Variants in ATF7IP2 observed in about 807,000 individuals in gnomAD.
ATF7IP2 encodes activating transcription factor 7-interacting protein 2.
Under a neutral mutation model 64.2 loss-of-function variants are expected in ATF7IP2, and 42 were observed. The observed-to-expected ratio is 0.65, with a 90% CI of 0.51 to 0.85. ATF7IP2 has a LOEUF of 0.85. Ranked by LOEUF, ATF7IP2 falls within the 40% of genes least tolerant of loss-of-function variation. ATF7IP2 has a pLI of 0.00. For synonymous variants in ATF7IP2, 308 were observed against 272.8 expected, an observed-to-expected ratio of 1.13 and a Z score of -1.27; for missense variants, 933 against 784.2, an observed-to-expected ratio of 1.19 and a Z score of -2.27.
chr16:10,473,413 C>T (rs2049880028), intron 10 of ATF7IP2, 66 bp from the exon 11 acceptor site: 1 of 975,246 alleles, frequency 1.0e-6, no homozygotes, highest in Non-Finnish European at 1.6e-6. Flanking sequence ...TTTGTTTTAG[C>T]ATTCATATTT....
At chr16:10,397,675 GAGACC>G (rs2047446143) in intron 1 of ATF7IP2, among the ~76,000 whole-genome samples, 1 of 151,878 alleles carries the variant, frequency 6.6e-6, no homozygotes, top group Non-Finnish European at 1.5e-5. Context: ...TTAGGAGTTT[GAGACC>G]AGCCTGGGCA....
chr16:10,388,840 C>G (rs1338006896), intron 1 of ATF7IP2, among the ~76,000 whole-genome samples: 5 of 151,846 alleles, frequency 3.3e-5, no homozygotes, highest in African/African-American at 9.7e-5. Context: ...GAAACCCCGT[C>G]TCCACTAAAA....
At chr16:10,480,818 A>G (rs1358706837) in intron 12 of ATF7IP2, 61 bp from the exon 13 acceptor site, 1 of 1,102,108 alleles carries the variant, frequency 9.1e-7, no homozygotes, top group Non-Finnish European at 1.4e-6. Flanking sequence ...CTATAGCTTA[A>G]AGGCTATGGA....
intron 1 of ATF7IP2, among the ~76,000 whole-genome samples, chr16:10,404,302 G>A (rs1283231392): frequency 6.6e-6 from 1 of 152,148 alleles, no homozygotes; most frequent in African/African-American, 2.4e-5. Context: ...ACCCAGGCTG[G>A]ATTGAAGTGG....
At chr16:10,394,291 C>T (rs972547803) in intron 1 of ATF7IP2, among the ~76,000 whole-genome samples, 1 of 152,156 alleles carries the variant, frequency 6.6e-6, no homozygotes, top group African/African-American at 2.4e-5. Flanking sequence ...GCTGGAGATA[C>T]ATAGGGACAT....
chr16:10,401,344 A>AT (rs1167987980), intron 1 of ATF7IP2, among the ~76,000 whole-genome samples: 3 of 151,132 alleles, frequency 2.0e-5, no homozygotes, highest in African/African-American at 7.3e-5. Context: ...ATTTTTTTGT[A>AT]TTTTTAGTAA....
At chr16:10,426,911 G>A (rs1323967390) in intron 3 of ATF7IP2, among the ~76,000 whole-genome samples, 1 of 151,846 alleles carries the variant, frequency 6.6e-6, no homozygotes, top group East Asian at 1.9e-4. Flanking sequence ...GAAGTACAGT[G>A]GTGTGATCTC....
intron 1 of ATF7IP2, among the ~76,000 whole-genome samples, chr16:10,404,648 T>C (rs1462930014): frequency 6.6e-6 from 1 of 152,072 alleles, no homozygotes; most frequent in African/African-American, 2.4e-5. Flanking sequence ...GTTTAAGCAG[T>C]TCTCATGCCA....
chr16:10,404,079 G>A (rs2047586638), intron 1 of ATF7IP2, among the ~76,000 whole-genome samples: 1 of 152,130 alleles, frequency 6.6e-6, no homozygotes, highest in African/African-American at 2.4e-5. Context: ...GATACAGGAA[G>A]CCTAATGATT....
chr16:10,422,215 T>A (rs1404125154), intron 3 of ATF7IP2, among the ~76,000 whole-genome samples: 1 of 152,198 alleles, frequency 6.6e-6, no homozygotes, highest in African/African-American at 2.4e-5. Flanking sequence ...CCAAATTGGC[T>A]TATCTGTTAA....
At chr16:10,396,818 T>TA (rs34457385) in intron 1 of ATF7IP2, among the ~76,000 whole-genome samples, 83,913 of 142,426 alleles carry the variant, frequency 0.59, 23,640 homozygotes, top group East Asian at 0.71. Flanking sequence ...CCTGACTAAT[T>TA]AAAAAAAAAA....
intron 10 of ATF7IP2, among the ~76,000 whole-genome samples, chr16:10,472,777 A>C (rs2049850230): frequency 6.7e-6 from 1 of 149,392 alleles, no homozygotes; most frequent in African/African-American, 2.5e-5. Context: ...AATTGCTTGA[A>C]CCTTGGAGGC....
At chr16:10,400,003 G>T (rs936458882) in intron 1 of ATF7IP2, among the ~76,000 whole-genome samples, 2 of 152,068 alleles carry the variant, frequency 1.3e-5, no homozygotes, top group African/African-American at 4.8e-5. Context: ...TGTTATTGGT[G>T]TATAGAAATG....
chr16:10,465,121 C>CG (rs1184821314), intron 9 of ATF7IP2, among the ~76,000 whole-genome samples: 1 of 152,158 alleles, frequency 6.6e-6, no homozygotes, highest in Non-Finnish European at 1.5e-5. Context: ...TGAGCCACCA[C>CG]GCCTGTCCAT....
intron 8 of ATF7IP2, chr16:10,445,213 C>T (rs2048761353): frequency 6.6e-6 from 1 of 152,220 alleles, no homozygotes; most frequent in Admixed American, 6.5e-5. Context: ...AGACCTCCTT[C>T]ATGAGAGGTT....
intron 2 of ATF7IP2, among the ~76,000 whole-genome samples, chr16:10,415,827 A>G (rs1423170690): frequency 1.3e-5 from 2 of 152,278 alleles, no homozygotes; most frequent in East Asian, 1.9e-4. Context: ...GGAGAGATAC[A>G]AATGGAAAAC....
chr16:10,386,923 T>C (rs1479470650), intron 1 of ATF7IP2: 1 of 152,212 alleles, frequency 6.6e-6, no homozygotes, highest in African/African-American at 2.4e-5. Context: ...CCTTTCCGTG[T>C]TTCTGTGTTG....
At chr16:10,418,663 C>T (rs961425159) in intron 2 of ATF7IP2, among the ~76,000 whole-genome samples, 13 of 152,164 alleles carry the variant, frequency 8.5e-5, no homozygotes, top group African/African-American at 2.4e-4. Flanking sequence ...TCAGGTGTGC[C>T]TGGGATGCTT....
chr16:10,447,625 A>AC (rs2048852644), intron 8 of ATF7IP2: 2 of 151,482 alleles, frequency 1.3e-5, no homozygotes, highest in African/African-American at 4.9e-5. Flanking sequence ...TGCCTCCCCC[A>AC]CCTCCCCCGT....
Sources: allele counts gnomAD v4.1 joint callset (sites outside exome capture counted in the v4.1 genomes callset), GRCh38; gene constraint gnomAD v4.1.1; transcripts MANE v1.5; gene names NCBI Gene and HGNC (gene_info 2026-07-23, HGNC 2026-07-21).